ST6GALNAC3: variants seen among roughly 807,000 people sequenced by gnomAD.
ST6GALNAC3 encodes the protein alpha-N-acetylgalactosaminide alpha-2,6-sialyltransferase 3.
Under a neutral mutation model 32.7 loss-of-function variants are expected in ST6GALNAC3, and 25 were observed. The observed-to-expected ratio is 0.76, with a 90% CI of 0.56 to 1.07. The LOEUF (loss-of-function observed/expected upper bound fraction) is 1.07, where lower values mean the gene tolerates loss of function less well. ST6GALNAC3 is among the 50% of genes least tolerant of loss of function. The pLI is 0.00. For missense variants in ST6GALNAC3, 355 were observed against 382.4 expected (o/e 0.93, Z 0.60); for synonymous variants, 129 against 133.1 (o/e 0.97, Z 0.21).
In ST6GALNAC3 at chr1:76,191,459, C is replaced by T. The variant is rs572374876; in HGVS notation, c.18+116575C>T. 5.9e-5 allele frequency among the ~76,000 whole-genome samples: 9 copies of T among 152,128 alleles called. No individual in the cohort carries two copies. In the East Asian group the frequency reaches 1.7e-3, roughly 29 times the overall value. ...GACTGCGTTCCGGTGTTCTATTGTA[C>T]AGAAGGGTGACAGTGGTTAACAGTT... On this transcript the variant is annotated intron_variant, in intron 1 of 4. Transcript: ENST00000328299.
At chr1:76,485,469 G>A (rs1337381615) in intron 3 of ST6GALNAC3, among the ~76,000 whole-genome samples, 1 of 152,160 alleles carries the variant, frequency 6.6e-6, no homozygotes. Flanking sequence ...ATGTGTCCAG[G>A]AATTTATCCA....
At chr1:76,154,355 T>C (rs964160702) in intron 1 of ST6GALNAC3, among the ~76,000 whole-genome samples, 1 of 152,124 alleles carries the variant, frequency 6.6e-6, no homozygotes, top group Non-Finnish European at 1.5e-5. Flanking sequence ...ACACTCAGGT[T>C]GTTTCTTAGT....
At chr1:76,126,684 G>C (rs1489972421) in intron 1 of ST6GALNAC3, among the ~76,000 whole-genome samples, 1 of 152,100 alleles carries the variant, frequency 6.6e-6, no homozygotes, top group African/African-American at 2.4e-5. Flanking sequence ...CCTTTATGCT[G>C]GGCAAACAGT....
chr1:76,396,456 C>T (rs969673033), intron 2 of ST6GALNAC3, among the ~76,000 whole-genome samples: 10 of 152,140 alleles, frequency 6.6e-5, no homozygotes, highest in Admixed American at 3.3e-4. Flanking sequence ...CAGAGGGAGA[C>T]GCTGTCTCAA....
chr1:76,349,139 G>T (rs554244496), intron 2 of ST6GALNAC3, among the ~76,000 whole-genome samples: 6 of 152,200 alleles, frequency 3.9e-5, no homozygotes, highest in Admixed American at 1.3e-4. Context: ...ATTAAATAAT[G>T]CAAGTACCAG....
At chr1:76,151,655 A>C (rs1450952915) in intron 1 of ST6GALNAC3, among the ~76,000 whole-genome samples, 2 of 151,770 alleles carry the variant, frequency 1.3e-5, no homozygotes, top group African/African-American at 4.8e-5. Context: ...CCTCTGAGTG[A>C]TCACACCTGA....
Position 76,375,743 on chromosome 1 carries a change from A to G in ST6GALNAC3, c.214-36265A>G, listed in dbSNP as rs566473395. Among the ~76,000 whole-genome samples, 597 of 152,324 alleles carry G rather than the reference A, an allele frequency of 3.9e-3. 2 individuals are homozygous for G. The highest frequency in any genetic ancestry group is 0.014 in the African/African-American group (584 of 41,574). On this transcript the variant is annotated intron_variant, in intron 2 of 4. Transcript: ENST00000328299. ...AAATCAAATGTCTATTTTTTGTTCG[A>G]TCATATTTTTCTGAGAAGAAAGGAT...
chr1:76,224,898 A>G (rs1006756579), intron 1 of ST6GALNAC3, among the ~76,000 whole-genome samples: 1 of 152,148 alleles, frequency 6.6e-6, no homozygotes, highest in Non-Finnish European at 1.5e-5. Flanking sequence ...TATTGTGATC[A>G]TCTGATGACA....
intron 2 of ST6GALNAC3, among the ~76,000 whole-genome samples, chr1:76,408,978 T>C (rs1654027685): frequency 6.6e-6 from 1 of 152,098 alleles, no homozygotes; most frequent in South Asian, 2.1e-4. Context: ...CTAAGAGTAA[T>C]GGATGTCAGG....
chr1:76,420,680 C>G (rs1240079380), intron 3 of ST6GALNAC3, among the ~76,000 whole-genome samples: 3 of 152,058 alleles, frequency 2.0e-5, no homozygotes, highest in Admixed American at 6.6e-5. Flanking sequence ...ATTATTATCA[C>G]TACCACTGCT....
chr1:76,222,597 C>T (rs1655836318), intron 1 of ST6GALNAC3, among the ~76,000 whole-genome samples: 1 of 152,076 alleles, frequency 6.6e-6, no homozygotes, highest in Non-Finnish European at 1.5e-5. Context: ...ACCAGCATGG[C>T]ACATGTATAC....
At chr1:76,173,679 A>G (rs1409719863) in intron 1 of ST6GALNAC3, among the ~76,000 whole-genome samples, 1 of 152,258 alleles carries the variant, frequency 6.6e-6, no homozygotes, top group Admixed American at 6.5e-5. Flanking sequence ...GGCAAAGGAT[A>G]TGAACAGACA....
intron 2 of ST6GALNAC3, among the ~76,000 whole-genome samples, chr1:76,389,011 C>CTT (rs138986165): frequency 2.8e-5 from 3 of 107,922 alleles, no homozygotes; most frequent in East Asian, 3.5e-4. Context: ...TGGTATATTT[C>CTT]CTTTTTTTTT....
chr1:76,568,602 C>T (rs1391346653), intron 3 of ST6GALNAC3, among the ~76,000 whole-genome samples: 1 of 152,338 alleles, frequency 6.6e-6, no homozygotes, highest in East Asian at 1.9e-4. Flanking sequence ...CACAACCATT[C>T]TCCACGTACA....
At chr1:76,144,728 G>C (rs190499559) in intron 1 of ST6GALNAC3, among the ~76,000 whole-genome samples, 1 of 152,136 alleles carries the variant, frequency 6.6e-6, no homozygotes, top group African/African-American at 2.4e-5. Flanking sequence ...ATAGTTCCTG[G>C]TATCTTCTTT....
At chr1:76,341,937 T>C (rs1648073601) in intron 2 of ST6GALNAC3, among the ~76,000 whole-genome samples, 1 of 151,930 alleles carries the variant, frequency 6.6e-6, no homozygotes, top group South Asian at 2.1e-4. Context: ...TCAACTCCCA[T>C]TTATGAGTGA....
chr1:76,552,713 G>A (rs1664707773), intron 3 of ST6GALNAC3, among the ~76,000 whole-genome samples: 1 of 152,038 alleles, frequency 6.6e-6, no homozygotes, highest in Non-Finnish European at 1.5e-5. Context: ...TTTCTAATAT[G>A]TGCCTCATAT....
At chr1:76,335,464 CTCAG>C (rs1368230468) in intron 2 of ST6GALNAC3, among the ~76,000 whole-genome samples, 4 of 151,996 alleles carry the variant, frequency 2.6e-5, no homozygotes, top group Non-Finnish European at 5.9e-5. Context: ...CACACTCACA[CTCAG>C]TCAGATTGGG....
intron 3 of ST6GALNAC3, among the ~76,000 whole-genome samples, chr1:76,550,684 T>C (rs185778995): frequency 2.6e-5 from 4 of 152,316 alleles, no homozygotes; most frequent in Admixed American, 2.6e-4. Flanking sequence ...GTTTCTTTTT[T>C]ATCTGTAAAA....
Sources: gnomAD v4.1 joint callset for allele counts (sites outside exome capture counted in the v4.1 genomes callset) on GRCh38, gnomAD v4.1.1 for gene constraint, MANE v1.5 for transcripts, NCBI Gene and HGNC (gene_info 2026-07-23, HGNC 2026-07-21) for gene names.